CTNNA3: variants seen among roughly 807,000 people sequenced by gnomAD.
CTNNA3 encodes catenin alpha 3, also known as catenin alpha-3.
In CTNNA3, 76 loss-of-function variants were observed where a neutral mutation model predicts 95.7. That is an observed-to-expected ratio of 0.79 (90% CI 0.66 to 0.96). The LOEUF is 0.96. CTNNA3 is among the 40% of genes least tolerant of loss of function. The pLI is 0.00. For missense variants in CTNNA3, 1,191 were observed against 1,089.8 expected, an observed-to-expected ratio of 1.09 and a Z score of -1.31; for synonymous variants, 431 against 374.4, an observed-to-expected ratio of 1.15 and a Z score of -1.74.
chr10:66,128,126 A>T (rs2082910256), intron 13 of CTNNA3, among the ~76,000 whole-genome samples: 1 of 152,230 alleles, frequency 6.6e-6, no homozygotes, highest in Non-Finnish European at 1.5e-5. Context: ...GTATTTTCTT[A>T]ATTCAGGAAC....
chr10:65,951,122 T>C (rs1249794702), intron 17 of CTNNA3, among the ~76,000 whole-genome samples: 3 of 152,200 alleles, frequency 2.0e-5, no homozygotes, highest in African/African-American at 7.2e-5. Flanking sequence ...CTGATCTCAT[T>C]CTCACTGATG....
chr10:66,926,688 G>A (rs1207835080), intron 7 of CTNNA3: 24 of 1,371,356 alleles, frequency 1.8e-5, no homozygotes, highest in Non-Finnish European at 2.3e-5. Flanking sequence ...AGATTACCTT[G>A]CTCTGCTCTA....
chr10:66,246,609 T>C (rs970931438), intron 13 of CTNNA3, among the ~76,000 whole-genome samples: 2 of 151,704 alleles, frequency 1.3e-5, no homozygotes, highest in African/African-American at 4.9e-5. Context: ...TTCAAGATGA[T>C]AGAGAAGGAA....
In CTNNA3 at chr10:66,191,241, C is replaced by T. The variant is rs1003736824; in HGVS notation, c.1885-87992G>A. Among the ~76,000 whole-genome samples the T allele has an allele frequency of 2.0e-5, 3 of 152,074 alleles. No homozygotes were observed. In the South Asian group the frequency reaches 6.2e-4, roughly 32 times the overall value. ...GAGAAGAGAGATTCTAGGTTCTTGGCTTCTTAACACTTTGGAACAGAAATA... is the reference window on the plus strand; with the variant it reads ...GAGAAGAGAGATTCTAGGTTCTTGGTTTCTTAACACTTTGGAACAGAAATA... On this transcript the variant is annotated intron_variant, in intron 13 of 17. Transcript: ENST00000433211.
chr10:65,918,776 A>G lies in CTNNA3; in HGVS notation c.*1554T>C, dbSNP rs965854821. ...TTTCCTGCATAATTAATAATGACCTATTAAATAGATCCTTCTTTTCCCATA... is the reference window on the plus strand; with the variant it reads ...TTTCCTGCATAATTAATAATGACCTGTTAAATAGATCCTTCTTTTCCCATA... On this transcript the variant is annotated 3_prime_UTR_variant, in exon 18 of 18. Coordinates refer to ENST00000433211, the MANE Select transcript of CTNNA3 (RefSeq NM_013266.4). The G allele has an allele frequency of 4.9e-5, 4 of 81,412 alleles. No individual in the cohort carries two copies. The highest frequency in any genetic ancestry group is 1.3e-4 in the African/African-American group (4 of 30,358). 5.0% of individuals were successfully genotyped at this position (81,412 alleles called of 1,614,324 possible).
chr10:66,170,255 T>TTTA (rs1282763184), intron 13 of CTNNA3, among the ~76,000 whole-genome samples: 2 of 146,894 alleles, frequency 1.4e-5, no homozygotes, highest in Admixed American at 1.4e-4. Context: ...TTTTTTTTTT[T>TTTA]TTTTTTTTTT....
chr10:67,726,140 A>ATAT (rs1410213189), intron 1 of CTNNA3, among the ~76,000 whole-genome samples: 2 of 110,134 alleles, frequency 1.8e-5, no homozygotes, highest in African/African-American at 7.5e-5. Context: ...AATATATATT[A>ATAT]TATTATATAT....
At chr10:67,126,257 G>C (rs1332931367) in intron 7 of CTNNA3, among the ~76,000 whole-genome samples, 1 of 152,218 alleles carries the variant, frequency 6.6e-6, no homozygotes, top group African/African-American at 2.4e-5. Context: ...GGCCAGGCGT[G>C]GTGGCTCACG....
At chr10:66,437,125 T>G (rs1234123509) in intron 11 of CTNNA3, among the ~76,000 whole-genome samples, 3 of 152,176 alleles carry the variant, frequency 2.0e-5, no homozygotes, top group Non-Finnish European at 4.4e-5. Flanking sequence ...TTAACATTTT[T>G]TCCTTCATTT....
chr10:67,267,076 G>A (rs1866858526), intron 5 of CTNNA3, among the ~76,000 whole-genome samples: 1 of 152,094 alleles, frequency 6.6e-6, no homozygotes, highest in Non-Finnish European at 1.5e-5. Context: ...TGATCACATT[G>A]ACAGGGCTTT....
At chr10:66,651,671 G>A (rs1381752847) in intron 9 of CTNNA3, among the ~76,000 whole-genome samples, 1 of 110,568 alleles carries the variant, frequency 9.0e-6, no homozygotes, top group African/African-American at 2.8e-5. Flanking sequence ...GGCACTGCTG[G>A]GGGACCCAGC....
At chr10:66,127,344 T>C (rs1027335032) in intron 13 of CTNNA3, among the ~76,000 whole-genome samples, 1 of 148,326 alleles carries the variant, frequency 6.7e-6, no homozygotes, top group Non-Finnish European at 1.5e-5. Context: ...AGGTCATCAA[T>C]GTCAACATCA....
chr10:67,659,510 A>G (rs1840118849), intron 1 of CTNNA3, among the ~76,000 whole-genome samples: 1 of 152,206 alleles, frequency 6.6e-6, no homozygotes, highest in South Asian at 2.1e-4. Context: ...GCCAAAATGG[A>G]GACCCATCTT....
intron 7 of CTNNA3, among the ~76,000 whole-genome samples, chr10:67,086,680 T>G (rs1341911396): frequency 6.6e-6 from 1 of 151,892 alleles, no homozygotes; most frequent in South Asian, 2.1e-4. Flanking sequence ...CACACAAACA[T>G]AAATGCCAAT....
chr10:67,188,399 G>T (rs557425062), intron 6 of CTNNA3, among the ~76,000 whole-genome samples: 3 of 152,264 alleles, frequency 2.0e-5, no homozygotes, highest in African/African-American at 4.8e-5. Context: ...GGAGGCTGAG[G>T]TAGGAGGATC....
chr10:66,707,057 A>G (rs947191990), intron 9 of CTNNA3, among the ~76,000 whole-genome samples: 1 of 152,104 alleles, frequency 6.6e-6, no homozygotes, highest in African/African-American at 2.4e-5. Context: ...GAGAATGTTT[A>G]AAATAGTAAG....
chr10:66,137,323 G>A (rs1396683451), intron 13 of CTNNA3, among the ~76,000 whole-genome samples: 1 of 151,996 alleles, frequency 6.6e-6, no homozygotes, highest in Non-Finnish European at 1.5e-5. Flanking sequence ...AATCCAGAAT[G>A]TTAGATATTC....
intron 9 of CTNNA3, among the ~76,000 whole-genome samples, chr10:66,626,828 G>A (rs1288718170): frequency 6.6e-6 from 1 of 151,972 alleles, no homozygotes; most frequent in Non-Finnish European, 1.5e-5. Context: ...GTGTGTATAC[G>A]CATGGAAGAC....
At chr10:66,714,895 T>G (rs934584791) in intron 9 of CTNNA3, among the ~76,000 whole-genome samples, 56 of 152,160 alleles carry the variant, frequency 3.7e-4, no homozygotes, top group Non-Finnish European at 5.9e-5. Context: ...GCCAAGTTCT[T>G]GGGAAGACGT....
Sources: allele counts gnomAD v4.1 joint callset (sites outside exome capture counted in the v4.1 genomes callset), GRCh38; gene constraint gnomAD v4.1.1; transcripts MANE v1.5; gene names NCBI Gene and HGNC (gene_info 2026-07-23, HGNC 2026-07-21).